The following ACACA variants were observed in gnomAD, a reference collection of about 807,000 sequenced individuals.
ACACA encodes the protein acetyl-CoA carboxylase 1.
A neutral mutation model predicts 296.1 loss-of-function variants in ACACA; 103 were observed. The observed-to-expected ratio is 0.35, with a 90% CI of 0.30 to 0.41. The LOEUF is 0.41. Among genes scored for constraint, ACACA ranks in the 10% least tolerant of loss-of-function variants. The pLI is 1.00. For synonymous variants in ACACA, 953 were observed against 1,038.6 expected (o/e 0.92, Z 1.58); for missense variants, 1,554 against 2,989.7 (o/e 0.52, Z 11.20).
chr17:37,191,587 T>C (rs2077753078), intron 37 of ACACA, among the ~76,000 whole-genome samples: 1 of 152,178 alleles, frequency 6.6e-6, no homozygotes, highest in African/African-American at 2.4e-5. Flanking sequence ...AACAGAGCTA[T>C]TTAGAAAGGA....
chr17:37,241,274 T>A (rs780892166), intron 23 of ACACA, among the ~76,000 whole-genome samples: 16 of 152,082 alleles, frequency 1.1e-4, no homozygotes, highest in Non-Finnish European at 1.5e-4. Context: ...CAACCACAAT[T>A]ACTTTTGCAC....
intron 1 of ACACA, among the ~76,000 whole-genome samples, chr17:37,340,434 A>C (rs1016872834): frequency 2.6e-5 from 4 of 152,172 alleles, no homozygotes; most frequent in African/African-American, 9.7e-5. Context: ...TCACCTGCGG[A>C]GCTTTTAAAA....
intron 52 of ACACA, among the ~76,000 whole-genome samples, chr17:37,098,562 C>T (rs1477041744): frequency 2.0e-5 from 3 of 152,232 alleles, no homozygotes; most frequent in Non-Finnish European, 2.9e-5. Context: ...GGTTTATATA[C>T]TCTTAACCTC....
intron 1 of ACACA, among the ~76,000 whole-genome samples, chr17:37,401,952 C>A (rs573748633): frequency 1.3e-5 from 2 of 152,226 alleles, no homozygotes; most frequent in South Asian, 2.1e-4. Context: ...AGCCAGGTTA[C>A]CAACCCTGAC....
At position 37,317,986 on chromosome 17, in the gene ACACA, G is replaced by A. The variant is rs769411087; in HGVS notation, c.338+12187C>T. Among the ~76,000 whole-genome samples the A allele has an allele frequency of 5.9e-5, 9 of 152,102 alleles. 1 individual carries two copies. The highest frequency in any genetic ancestry group is 1.3e-4 in the Admixed American group (2 of 15,258). Reference sequence around the variant, plus strand: ...CACTACAAAGGCACCATGGCAACTGGGAACCTCAGAATATCAAGGAAGGAG... The same window carrying A: ...CACTACAAAGGCACCATGGCAACTGAGAACCTCAGAATATCAAGGAAGGAG... On this transcript the variant is annotated intron_variant, in intron 3 of 55. Transcript: ENST00000616317.
chr17:37,318,659 A>G (rs2047204875), intron 3 of ACACA, among the ~76,000 whole-genome samples: 1 of 152,236 alleles, frequency 6.6e-6, no homozygotes, highest in South Asian at 2.1e-4. Context: ...CTAACATGCA[A>G]AAGACTTAAA....
At chr17:37,093,382 G>A (rs906095154) in intron 54 of ACACA, among the ~76,000 whole-genome samples, 2 of 152,190 alleles carry the variant, frequency 1.3e-5, no homozygotes, top group Middle Eastern at 6.8e-3. Flanking sequence ...TTTCCGCCGA[G>A]GTCAATCAGC....
Position 37,207,786 on chromosome 17 carries a change from G to A in ACACA, c.3722C>T (p.Ser1241Phe). The A allele has an allele frequency of 6.2e-7, 1 of 1,613,882 alleles. No individual in the cohort carries two copies. Among genetic ancestry groups the A allele is most frequent in the Non-Finnish European group, 8.5e-7 (1 of 1,179,776 alleles). Residue 1241 changes from serine (S) to phenylalanine (F), a missense_variant, in exon 31 of 56, where the codon TCC becomes TTC. This residue lies in a region of ACACA where 179 missense variants were observed against 283.2 expected (regional missense o/e 0.63). Coordinates refer to ENST00000616317, the MANE Select transcript of ACACA (RefSeq NM_198834.3). ...GGTCATGCCATAGTGGTTGAGGTTG[G>A]AGGAGAAGGACATTCTAAATGGTAA... ...IPTLNRMSFS[S>F]NLNHYGMTHV...
intron 52 of ACACA, among the ~76,000 whole-genome samples, chr17:37,103,740 C>CAG (rs1292652607): frequency 2.0e-5 from 3 of 152,108 alleles, no homozygotes; most frequent in Non-Finnish European, 1.5e-5. Flanking sequence ...CACACACACA[C>CAG]ACACACACAC....
chr17:37,159,274 C>T (rs2076372136), intron 42 of ACACA, among the ~76,000 whole-genome samples: 1 of 151,948 alleles, frequency 6.6e-6, no homozygotes, highest in African/African-American at 2.4e-5. Context: ...AGGCTGAGTA[C>T]AATGGCACGA....
chr17:37,254,316 G>A (rs750314679), intron 14 of ACACA, among the ~76,000 whole-genome samples: 17 of 152,156 alleles, frequency 1.1e-4, no homozygotes, highest in Non-Finnish European at 2.2e-4. Context: ...ACTGTGAGAG[G>A]AATCATATTC....
chr17:37,343,584 G>A (rs2048481701), intron 1 of ACACA, among the ~76,000 whole-genome samples: 1 of 151,852 alleles, frequency 6.6e-6, no homozygotes, highest in Non-Finnish European at 1.5e-5. Context: ...GGTCAAGATG[G>A]TGAAACCCCA....
At chr17:37,323,302 C>T (rs1270803748) in intron 3 of ACACA, among the ~76,000 whole-genome samples, 4 of 152,242 alleles carry the variant, frequency 2.6e-5, no homozygotes, top group Admixed American at 6.5e-5. Flanking sequence ...TTCACTATAA[C>T]ATGAAGTATA....
chr17:37,321,541 A>G (rs2147125068), intron 3 of ACACA, among the ~76,000 whole-genome samples: 1 of 152,084 alleles, frequency 6.6e-6, no homozygotes, highest in East Asian at 1.9e-4. Flanking sequence ...TGAGGTCAGG[A>G]GATCGATACC....
intron 1 of ACACA, among the ~76,000 whole-genome samples, chr17:37,348,246 C>A (rs927339398): frequency 6.6e-6 from 1 of 151,984 alleles, no homozygotes; most frequent in African/African-American, 2.4e-5. Flanking sequence ...GTAACAGAAG[C>A]TCCCAAAAGC....
chr17:37,371,729 G>A (rs1162925037), intron 1 of ACACA, among the ~76,000 whole-genome samples: 4 of 151,274 alleles, frequency 2.6e-5, no homozygotes, highest in Admixed American at 1.3e-4. Flanking sequence ...GTGAAACCCC[G>A]TCTCTACTAA....
At chr17:37,384,471 T>C (rs1271870908) in intron 1 of ACACA, among the ~76,000 whole-genome samples, 1 of 152,232 alleles carries the variant, frequency 6.6e-6, no homozygotes, top group Non-Finnish European at 1.5e-5. Flanking sequence ...TTTACACACA[T>C]GCTTTCTCAT....
chr17:37,294,577 T>C (rs942676100), intron 3 of ACACA, among the ~76,000 whole-genome samples: 1 of 152,216 alleles, frequency 6.6e-6, no homozygotes, highest in Non-Finnish European at 1.5e-5. Context: ...GATAATCCAA[T>C]GAAGGCTGTG....
chr17:37,227,366 C>T (rs1032346795), intron 25 of ACACA, among the ~76,000 whole-genome samples: 2 of 152,112 alleles, frequency 1.3e-5, no homozygotes, highest in African/African-American at 4.8e-5. Context: ...ATTAACACCA[C>T]ACCATATAAA....
Sources: allele counts gnomAD v4.1 joint callset (sites outside exome capture counted in the v4.1 genomes callset), GRCh38; gene constraint gnomAD v4.1.1; regional missense constraint gnomAD v4.1.1; transcripts MANE v1.5; gene names NCBI Gene and HGNC (gene_info 2026-07-23, HGNC 2026-07-21).